Variants in MAGED1 observed in about 807,000 individuals in gnomAD.
The protein encoded by MAGED1 is melanoma-associated antigen D1.
Under a neutral mutation model 54.1 loss-of-function variants are expected in MAGED1, and 3 were observed. That is an observed-to-expected ratio of 0.06 (90% CI 0.03 to 0.14). MAGED1 has a LOEUF of 0.14. Ranked by LOEUF, MAGED1 falls within the 10% of genes least tolerant of loss-of-function variation. The probability of loss-of-function intolerance (pLI) is 1.00; values close to 1 mark genes in which losing one functional copy is unlikely to be tolerated. For synonymous variants in MAGED1, 217 were observed against 227.3 expected, an observed-to-expected ratio of 0.95 and a Z score of 0.41; for missense variants, 485 against 623.4, an observed-to-expected ratio of 0.78 and a Z score of 2.36.
At chrX:51,880,267 C>T (rs1446856178) in intron 1 of MAGED1, among the ~76,000 whole-genome samples, 1 of 112,207 alleles carries the variant, frequency 8.9e-6, no homozygotes, top group Middle Eastern at 4.6e-3. Flanking sequence ...AGGAAGCTCA[C>T]TCAACAGCTA....
chrX:51,821,908 C>T (rs1267167530), intron 1 of MAGED1, among the ~76,000 whole-genome samples: 2 of 111,500 alleles, frequency 1.8e-5, no homozygotes, highest in African/African-American at 3.3e-5. Context: ...TATATTTATC[C>T]AGCTTTTTAT....
At chrX:51,812,224 A>G (rs781849505) in intron 1 of MAGED1, among the ~76,000 whole-genome samples, 42 of 111,591 alleles carry the variant, frequency 3.8e-4, no homozygotes, top group African/African-American at 1.3e-3. Context: ...TTTGACAAAA[A>G]AAAGCTGTGA....
intron 1 of MAGED1, among the ~76,000 whole-genome samples, chrX:51,872,666 G>T (rs1927724314): frequency 8.9e-6 from 1 of 111,980 alleles, no homozygotes; most frequent in Non-Finnish European, 1.9e-5. Flanking sequence ...AGCAGGACTT[G>T]TTTTCTGAGC....
chrX:51,805,760 A>G (rs1438338414), intron 1 of MAGED1, among the ~76,000 whole-genome samples: 1 of 107,685 alleles, frequency 9.3e-6, no homozygotes, highest in Non-Finnish European at 1.9e-5. Context: ...TCTCTCTATT[A>G]CTCACTCTCT....
At chrX:51,808,740 T>C (rs1336294710) in intron 1 of MAGED1, among the ~76,000 whole-genome samples, 3 of 111,694 alleles carry the variant, frequency 2.7e-5, no homozygotes, top group Admixed American at 1.9e-4. Context: ...AACATGAATG[T>C]ATCCATTCCC....
At chrX:51,866,672 C>G (rs781849687) in intron 1 of MAGED1, among the ~76,000 whole-genome samples, 35 of 112,087 alleles carry the variant, frequency 3.1e-4, no homozygotes, top group African/African-American at 1.1e-3. Flanking sequence ...TTAACAAGAG[C>G]ATTCTATAAG....
Position 51,896,711 on chromosome X carries a change from C to T in MAGED1, c.1056C>T (p.Asn352=). The change falls in exon 4 of 13, where the codon AAC becomes AAT. Residue 352 remains asparagine, a synonymous_variant. Transcript: ENST00000326587. ...VIWPNPVIWQ[N]PVIWPNPIVW... The stretch of plus-strand genomic sequence containing the variant: ...GGCCAAACCCAGTAATCTGGCAGAA[C>T]CCAGTGATCTGGCCAAACCCCATTG... The T allele has an allele frequency of 8.2e-7, 1 of 1,212,148 alleles. No individual in the cohort carries two copies. The highest frequency in any genetic ancestry group is 1.1e-6 in the Non-Finnish European group (1 of 895,591).
At position 51,896,520 on chromosome X, in the gene MAGED1, G is replaced by A; in HGVS notation, c.865G>A (p.Gly289Ser). Residue 289 changes from glycine to serine, a missense_variant, in exon 4 of 13, where the codon GGC becomes AGC. Physicochemically the swap from Gly to Ser is moderately conservative, Grantham distance 56. Coordinates refer to ENST00000326587, the MANE Select transcript of MAGED1 (RefSeq NM_006986.4). ...PVPVTTQNPP[G>S]APPNVLWQTP... Reference sequence around the variant, plus strand: ...TCCAGTGACCACTCAGAACCCACCTGGCGCACCCCCCAATGTGCTCTGGCA... The same window carrying A: ...TCCAGTGACCACTCAGAACCCACCTAGCGCACCCCCCAATGTGCTCTGGCA... 8.3e-7 allele frequency: 1 copy of A among 1,211,869 alleles called. No homozygotes were observed. The highest frequency in any genetic ancestry group is 1.1e-6 in the Non-Finnish European group (1 of 895,492).
Position 51,894,312 on chromosome X carries a change from A to G in MAGED1, c.8A>G (p.Gln3Arg). Reference sequence around the variant, plus strand: ...GCCAGAGGGACAGGAGCCATGGCTCAGAAAATGGACTGTGGTGCGGGCCTC... The same window carrying G: ...GCCAGAGGGACAGGAGCCATGGCTCGGAAAATGGACTGTGGTGCGGGCCTC... MA[Q>R]KMDCGAGLLG... is the part of the protein sequence containing the mutation. The change falls in exon 2 of 13, where the codon CAG (glutamine) becomes CGG (arginine). Residue 3 changes from glutamine to arginine, a missense_variant. Physicochemically the swap from Gln to Arg is conservative, Grantham distance 43. Around this residue, in one of 2 missense-constraint regions of MAGED1, gnomAD observed 299 missense variants for 293.1 expected, o/e 1.02. Transcript: ENST00000326587. 1 of 1,202,967 alleles carries G rather than the reference A, an allele frequency of 8.3e-7. No individual in the cohort carries two copies. The highest frequency in any genetic ancestry group is 1.8e-5 in the South Asian group (1 of 55,162).
At chrX:51,850,539 C>T (rs1557359698) in intron 1 of MAGED1, among the ~76,000 whole-genome samples, 1 of 111,794 alleles carries the variant, frequency 8.9e-6, no homozygotes, top group South Asian at 3.8e-4. Flanking sequence ...CTGGTCAACA[C>T]ACTCAGGCCT....
At chrX:51,859,749 C>T (rs987478492) in intron 1 of MAGED1, among the ~76,000 whole-genome samples, 2 of 111,064 alleles carry the variant, frequency 1.8e-5, no homozygotes, top group Non-Finnish European at 3.8e-5. Context: ...GCAGGAGGAC[C>T]AGACTTATAG....
intron 2 of MAGED1, chrX:51,894,616 T>C: frequency 8.4e-7 from 1 of 1,189,551 alleles, no homozygotes; most frequent in Non-Finnish European, 1.1e-6. Flanking sequence ...ACCATTTTTT[T>C]TTTTTTCCAG....
At chrX:51,885,013 T>G (rs1201846099) in intron 1 of MAGED1, among the ~76,000 whole-genome samples, 1 of 112,464 alleles carries the variant, frequency 8.9e-6, no homozygotes, top group Non-Finnish European at 1.9e-5. Context: ...GGCATCAGAC[T>G]TAATGGTGAG....
At chrX:51,876,917 A>T (rs181070440) in intron 1 of MAGED1, among the ~76,000 whole-genome samples, 1 of 111,829 alleles carries the variant, frequency 8.9e-6, no homozygotes, top group African/African-American at 3.2e-5. Context: ...CATTAAAAAC[A>T]TCTGAATCGG....
intron 12 of MAGED1, 70 bp downstream of exon 12, chrX:51,902,008 T>C: frequency 1.9e-6 from 2 of 1,048,313 alleles, no homozygotes; most frequent in Admixed American, 6.7e-5. Context: ...GTTGTATTTA[T>C]GTGCATGAGC....
chrX:51,889,621 C>T (rs1296518922), upstream of MAGED1, among the ~76,000 whole-genome samples: 57 of 72,732 alleles, frequency 7.8e-4, 1 homozygote, highest in African/African-American at 3.3e-3. Context: ...GAGTGAGACT[C>T]TGTCTCAAAA....
chrX:51,829,246 T>C (rs1416092552), intron 1 of MAGED1, among the ~76,000 whole-genome samples: 1 of 111,102 alleles, frequency 9.0e-6, no homozygotes, highest in Non-Finnish European at 1.9e-5. Context: ...TCAGGGTAGA[T>C]ATGGAGTAGA....
chrX:51,891,700 G>T (rs1928442505), upstream of MAGED1, among the ~76,000 whole-genome samples: 1 of 112,239 alleles, frequency 8.9e-6, no homozygotes, highest in Non-Finnish European at 1.9e-5. Flanking sequence ...CACTGTGTTG[G>T]TGGGAAGGAG....
chrX:51,819,133 ACT>A (rs782097086), intron 1 of MAGED1, among the ~76,000 whole-genome samples: 2 of 110,600 alleles, frequency 1.8e-5, no homozygotes, highest in Non-Finnish European at 3.8e-5. Flanking sequence ...TAAGATTCTG[ACT>A]CTATTTTTTC....
Sources: allele counts gnomAD v4.1 joint callset (sites outside exome capture counted in the v4.1 genomes callset), GRCh38; gene constraint gnomAD v4.1.1; regional missense constraint gnomAD v4.1.1; transcripts MANE v1.5; gene names NCBI Gene and HGNC (gene_info 2026-07-23, HGNC 2026-07-21).